The following DPF3 variants were observed in gnomAD, a reference collection of about 807,000 sequenced individuals.
The protein encoded by DPF3 is zinc finger protein DPF3.
DPF3 carries 18 observed loss-of-function variants against 56.8 expected under a neutral mutation model. The ratio of observed to expected loss-of-function variants is 0.32; its 90% confidence interval spans 0.22 to 0.47. The LOEUF (loss-of-function observed/expected upper bound fraction) is 0.47, where lower values mean the gene tolerates loss of function less well. Ranked by LOEUF, DPF3 falls within the 20% of genes least tolerant of loss-of-function variation. DPF3 has a pLI of 1.00. For missense variants in DPF3, 403 were observed against 488.8 expected (o/e 0.82, Z 1.65); for synonymous variants, 188 against 180.2 (o/e 1.04, Z -0.35).
At chr14:72,880,935 GGAGAAGGCAGCCTCCAGTA>G (rs1439952765) in intron 1 of DPF3, among the ~76,000 whole-genome samples, 1 of 152,246 alleles carries the variant, frequency 6.6e-6, no homozygotes, top group Non-Finnish European at 1.5e-5. Flanking sequence ...AGCCTCCAGT[GGAGAAGGCAGCCTCCAGTA>G]GAGAAGGCAA....
intron 6 of DPF3, among the ~76,000 whole-genome samples, chr14:72,695,277 C>A (rs1323359775): frequency 1.3e-5 from 2 of 152,178 alleles, no homozygotes; most frequent in Non-Finnish European, 2.9e-5. Context: ...CAATACCCAG[C>A]ACATAATAGA....
At position 72,861,786 on chromosome 14, in the gene DPF3, A is replaced by AGAAAGAAG. The variant is rs1555514032; in HGVS notation, c.32+32270_32+32271insCTTCTTTC. The stretch of plus-strand genomic sequence containing the variant: ...AAGAAAGAAAGAAAGAAAGAAAGAA[A>AGAAAGAAG]GAAAGAAAGAAAGAAAGAAGGAAAG... On this transcript the variant is annotated intron_variant, in intron 1 of 10. Transcript: ENST00000556509. 1.8e-4 allele frequency among the ~76,000 whole-genome samples: 27 copies of AGAAAGAAG among 151,088 alleles called. No homozygotes were observed. The East Asian group carries it at 4.9e-3, about 27-fold the overall frequency.
chr14:72,705,917 G>T (rs1888384657), intron 6 of DPF3, among the ~76,000 whole-genome samples: 2 of 152,134 alleles, frequency 1.3e-5, no homozygotes, highest in Non-Finnish European at 2.9e-5. Context: ...TGTGGTGGGG[G>T]AGGGAAGGAG....
intron 8 of DPF3, among the ~76,000 whole-genome samples, chr14:72,636,387 A>G (rs1221582151): frequency 6.6e-6 from 1 of 152,158 alleles, no homozygotes; most frequent in Non-Finnish European, 1.5e-5. Flanking sequence ...CTCTTTGGGA[A>G]GCCATCTCAT....
Position 72,618,936 on chromosome 14 carries a change from T to A in DPF3, c.*361A>T, listed in dbSNP as rs1884250933. On this transcript the variant is annotated 3_prime_UTR_variant, in exon 11 of 11. Transcript: ENST00000556509. ...CACAATAGATAAAAAAACACCACAC[T>A]ACACACAAGTAATGGATGAGTGGTC... Among the ~76,000 whole-genome samples the A allele has an allele frequency of 6.6e-6, 1 of 152,132 alleles. No individual in the cohort carries two copies. Among genetic ancestry groups the A allele is most frequent in the African/African-American group, 2.4e-5 (1 of 41,430 alleles).
intron 6 of DPF3, among the ~76,000 whole-genome samples, chr14:72,711,990 G>C (rs1199702662): frequency 1.3e-5 from 2 of 152,018 alleles, no homozygotes; most frequent in Non-Finnish European, 2.9e-5. Context: ...CATGTCTGAA[G>C]GGCACCAGAT....
intron 1 of DPF3, among the ~76,000 whole-genome samples, chr14:72,831,052 T>A (rs1884035725): frequency 1.3e-5 from 2 of 152,172 alleles, no homozygotes; most frequent in Admixed American, 6.5e-5. Context: ...CATCAGCATC[T>A]TCAGGCTACT....
At chr14:72,724,112 G>A (rs1270077611) in intron 4 of DPF3, 3 of 170,112 alleles carry the variant, frequency 1.8e-5, no homozygotes, top group African/African-American at 7.2e-5. Context: ...ATATGAAAAT[G>A]TTTCTCCTTT....
rs1883775615 is a variant in DPF3 at position 72,612,327 on chromosome 14, C to A, written c.*6970G>T. 2.3e-6 allele frequency: 1 copy of A among 431,804 alleles called. No homozygotes were observed. The highest frequency in any genetic ancestry group is 2.5e-5 in the Admixed American group (1 of 39,752). 26.7% of individuals were successfully genotyped at this position (431,804 alleles called of 1,614,324 possible). On this transcript the variant is annotated 3_prime_UTR_variant, in exon 11 of 11. Coordinates refer to ENST00000556509, the MANE Select transcript of DPF3 (RefSeq NM_001280542.3). ...GGTGAGCCAGGGACGCCCTGCCTAC[C>A]TACCCCGCCTCTCTCCAGCCACCTG...
chr14:72,782,294 G>A (rs550995688), intron 1 of DPF3, among the ~76,000 whole-genome samples: 7 of 151,626 alleles, frequency 4.6e-5, no homozygotes, highest in African/African-American at 1.5e-4. Context: ...TGGTGCAGTG[G>A]AGGAGTGTAG....
At chr14:72,685,644 G>A (rs1025633102) in intron 7 of DPF3, among the ~76,000 whole-genome samples, 23 of 152,208 alleles carry the variant, frequency 1.5e-4, no homozygotes, top group African/African-American at 5.5e-4. Flanking sequence ...GTGCCTTGCT[G>A]TCCTCTGGGG....
intron 2 of DPF3, among the ~76,000 whole-genome samples, chr14:72,764,204 G>C (rs1891170477): frequency 6.6e-6 from 1 of 152,164 alleles, no homozygotes; most frequent in Non-Finnish European, 1.5e-5. Flanking sequence ...AGGAAGAAAA[G>C]AGGCACTAGT....
intron 7 of DPF3, among the ~76,000 whole-genome samples, chr14:72,684,384 A>T (rs114651131): frequency 3.3e-3 from 508 of 152,308 alleles, no homozygotes; most frequent in Middle Eastern, 0.014. Flanking sequence ...TTAACAACCC[A>T]GGCAGAAGCC....
At chr14:72,697,989 CAG>C (rs1242867799) in intron 6 of DPF3, among the ~76,000 whole-genome samples, 1 of 152,214 alleles carries the variant, frequency 6.6e-6, no homozygotes, top group Non-Finnish European at 1.5e-5. Flanking sequence ...CTTCCCACCA[CAG>C]AGTCTTCACA....
chr14:72,752,401 G>A (rs1332159343), intron 3 of DPF3, among the ~76,000 whole-genome samples: 1 of 152,234 alleles, frequency 6.6e-6, no homozygotes, highest in Admixed American at 6.5e-5. Context: ...GGTGGCTCAT[G>A]CCTATAATCC....
At chr14:72,883,626 T>C (rs1886400922) in intron 1 of DPF3, among the ~76,000 whole-genome samples, 1 of 152,246 alleles carries the variant, frequency 6.6e-6, no homozygotes, top group Admixed American at 6.5e-5. Flanking sequence ...CTCTCTGGTC[T>C]ACTTTTCTAT....
At chr14:72,861,571 T>C (rs184959119) in intron 1 of DPF3, among the ~76,000 whole-genome samples, 245 of 152,220 alleles carry the variant, frequency 1.6e-3, no homozygotes, top group African/African-American at 5.5e-3. Flanking sequence ...AGTGACCTCC[T>C]ATGTGAGTGC....
chr14:72,771,913 A>G lies in DPF3; in HGVS notation c.33-20T>C. ...CCGAGCCTGCCAGAGTCAGAGAGTG[A>G]AGGGGTGAGGCCAGGGAAGACTGAA... On this transcript the variant is annotated intron_variant, in intron 1 of 10. Transcript: ENST00000556509. The G allele has an allele frequency of 1.3e-6, 2 of 1,553,052 alleles. No individual in the cohort carries two copies. The highest frequency in any genetic ancestry group is 8.7e-7 in the Non-Finnish European group (1 of 1,151,128).
intron 3 of DPF3, among the ~76,000 whole-genome samples, chr14:72,747,059 T>C (rs1042428147): frequency 5.9e-5 from 9 of 152,224 alleles, no homozygotes; most frequent in African/African-American, 1.9e-4. Flanking sequence ...AATAGCTGCC[T>C]GCCTCAGTCC....
Sources: allele counts gnomAD v4.1 joint callset (sites outside exome capture counted in the v4.1 genomes callset), GRCh38; gene constraint gnomAD v4.1.1; transcripts MANE v1.5; gene names NCBI Gene and HGNC (gene_info 2026-07-23, HGNC 2026-07-21).